Variants in ANKRD26 observed in about 807,000 individuals in gnomAD.
ANKRD26 encodes ankyrin repeat domain-containing protein 26.
ANKRD26 carries 141 observed loss-of-function variants against 208.7 expected under a neutral mutation model. The ratio of observed to expected loss-of-function variants is 0.68; its 90% CI spans 0.59 to 0.78. The LOEUF (loss-of-function observed/expected upper bound fraction) is 0.78, where lower values mean the gene tolerates loss of function less well. ANKRD26 is among the 30% of genes least tolerant of loss of function. The pLI, the probability that ANKRD26 is intolerant of heterozygous loss-of-function variation, is 0.00. For synonymous variants in ANKRD26, 636 were observed against 660.4 expected (o/e 0.96, Z 0.57); for missense variants, 1,889 against 1,938.7 (o/e 0.97, Z 0.48).
chr10:27,066,883 C>T (rs1374968756), intron 10 of ANKRD26, among the ~76,000 whole-genome samples: 5 of 151,906 alleles, frequency 3.3e-5, no homozygotes, highest in Non-Finnish European at 7.4e-5. Flanking sequence ...TCTCAGCCCA[C>T]TGCAACTTCT....
chr10:26,976,484 G>C, intron 5 of ANKRD26, among the ~76,000 whole-genome samples: 1 of 152,048 alleles, frequency 6.6e-6, no homozygotes, highest in African/African-American at 2.4e-5. Context: ...CAAAGTGCTG[G>C]GATTACAGGC....
intron 22 of ANKRD26, 57 bp from the exon 23 acceptor site, chr10:27,037,380 AC>A: frequency 6.3e-7 from 1 of 1,577,226 alleles, no homozygotes; most frequent in South Asian, 1.1e-5. Flanking sequence ...TAAAAGGTTA[AC>A]AAGAGCAGAA....
the ANKRD26 span, among the ~76,000 whole-genome samples, chr10:26,953,135 T>C: frequency 5.2e-4 from 79 of 152,270 alleles, no homozygotes; most frequent in African/African-American, 1.9e-3. Context: ...ATTGTAAATA[T>C]AATACCAGGC....
chr10:26,971,403 G>T (rs1203626581), downstream of ANKRD26, among the ~76,000 whole-genome samples: 2 of 149,164 alleles, frequency 1.3e-5, no homozygotes, highest in Non-Finnish European at 3.0e-5. Flanking sequence ...AGCCAGGCGT[G>T]GTGGCTCATG....
intron 9 of ANKRD26, among the ~76,000 whole-genome samples, chr10:27,072,579 C>T (rs959376838): frequency 2.6e-5 from 4 of 152,184 alleles, no homozygotes; most frequent in African/African-American, 9.6e-5. Flanking sequence ...GAGTATTTCC[C>T]TTGGGTAACC....
intron 3 of ANKRD26, among the ~76,000 whole-genome samples, chr10:26,985,054 C>T (rs772356356): frequency 2.6e-4 from 39 of 152,154 alleles, no homozygotes; most frequent in Non-Finnish European, 4.6e-4. Context: ...ACTGCCATCG[C>T]TGTTGCTTGC....
At chr10:26,953,051 G>C in the ANKRD26 span, among the ~76,000 whole-genome samples, 1 of 152,148 alleles carries the variant, frequency 6.6e-6, no homozygotes, top group South Asian at 2.1e-4. Context: ...TGATTATACC[G>C]TTTAAAACAT....
chr10:27,052,447 A>G (rs2054694911), intron 16 of ANKRD26, among the ~76,000 whole-genome samples: 1 of 152,128 alleles, frequency 6.6e-6, no homozygotes, highest in Admixed American at 6.5e-5. Context: ...TCAAATACTG[A>G]GCCCCTACAG....
intron 31 of ANKRD26, among the ~76,000 whole-genome samples, chr10:27,013,838 T>C (rs149678939): frequency 1.9e-3 from 284 of 152,332 alleles, no homozygotes; most frequent in African/African-American, 6.4e-3. Context: ...CTCCTAACAT[T>C]GTCCCCAAGG....
Position 27,035,312 on chromosome 10 carries a change from G to T in ANKRD26, c.3138C>A (p.Asp1046Glu). ...GGTTAGACACATCAAAATTCATTTT[G>T]TCCTGTAAACGAGAACATTCATCTC... ...RARDECSRLQ[D>E]KMNFDVSNLK... Residue 1046 changes from aspartate (D) to glutamate (E), a missense_variant, in exon 24 of 34, where the codon GAC becomes GAA. Asp to Glu is a conservative substitution (Grantham distance 45, BLOSUM62 2). This residue lies in a region of ANKRD26 where 1,272 missense variants were observed against 1,273.8 expected (regional missense o/e 1.00). Coordinates refer to ENST00000376087, the MANE Select transcript of ANKRD26 (RefSeq NM_014915.3). 6.2e-7 allele frequency: 1 copy of T among 1,613,838 alleles called. No homozygotes were observed. Among genetic ancestry groups the T allele is most frequent in the Non-Finnish European group, 8.5e-7 (1 of 1,179,886 alleles).
Position 27,010,106 on chromosome 10 carries a change from T to C in ANKRD26, c.4953+2776A>G, listed in dbSNP as rs575716655. On this transcript the variant is annotated intron_variant, in intron 32 of 33. Transcript: ENST00000376087. ...GAGAGCTCTACTTCTATCTGTTTTA[T>C]GTAATATAGTTTCATGCCATTTTTT... Among the ~76,000 whole-genome samples the C allele has an allele frequency of 5.9e-5, 9 of 152,314 alleles. No individual in the cohort carries two copies. The East Asian group carries it at 1.5e-3, about 26-fold the overall frequency.
the ANKRD26 span, among the ~76,000 whole-genome samples, chr10:26,961,432 C>T: frequency 0.33 from 50,313 of 152,030 alleles, 10,595 homozygotes; most frequent in Non-Finnish European, 0.47. Flanking sequence ...GAGATATAAG[C>T]GTGGGATCCT....
At chr10:26,948,976 C>T in the ANKRD26 span, among the ~76,000 whole-genome samples, 1 of 151,902 alleles carries the variant, frequency 6.6e-6, no homozygotes, top group Admixed American at 6.6e-5. Flanking sequence ...GCCTGGGCAA[C>T]AAGAGTGAAA....
chr10:27,086,664 AC>A, intron 4 of ANKRD26, 55 bp from the exon 5 acceptor site: 1 of 1,546,508 alleles, frequency 6.5e-7, no homozygotes, highest in Non-Finnish European at 8.8e-7. Flanking sequence ...AAAAATATTT[AC>A]CAAATATCTC....
intron 9 of ANKRD26, among the ~76,000 whole-genome samples, chr10:27,076,479 G>A (rs768287360): frequency 1.3e-5 from 2 of 152,010 alleles, no homozygotes; most frequent in Non-Finnish European, 1.5e-5. Context: ...TGGCCAGGCT[G>A]GTCTCGAACT....
chr10:26,989,391 T>G (rs1564334393), downstream of ANKRD26, among the ~76,000 whole-genome samples: 1 of 152,244 alleles, frequency 6.6e-6, no homozygotes, highest in Non-Finnish European at 1.5e-5. Context: ...TAAAATTTGT[T>G]ATTTTTGGTC....
downstream of ANKRD26, among the ~76,000 whole-genome samples, chr10:26,999,703 G>C (rs2052676290): frequency 6.8e-6 from 1 of 147,298 alleles, no homozygotes; most frequent in African/African-American, 2.5e-5. Flanking sequence ...GAAAGGCTGA[G>C]AAAAGCATGG....
At chr10:27,074,212 A>G (rs984777095) in intron 9 of ANKRD26, among the ~76,000 whole-genome samples, 3 of 152,234 alleles carry the variant, frequency 2.0e-5, no homozygotes, top group Non-Finnish European at 2.9e-5. Flanking sequence ...TAAAGAATTC[A>G]AAAGGTTGAT....
chr10:27,005,929 C>T (rs1339082715), intron 33 of ANKRD26, among the ~76,000 whole-genome samples: 1 of 152,172 alleles, frequency 6.6e-6, no homozygotes, highest in African/African-American at 2.4e-5. Flanking sequence ...AATATCAGAG[C>T]TTCTGGCTTT....
Sources: allele counts gnomAD v4.1 joint callset (sites outside exome capture counted in the v4.1 genomes callset), GRCh38; gene constraint gnomAD v4.1.1; regional missense constraint gnomAD v4.1.1; transcripts MANE v1.5; gene names NCBI Gene and HGNC (gene_info 2026-07-23, HGNC 2026-07-21).